PDE1C: variants seen among roughly 807,000 people sequenced by gnomAD.
PDE1C encodes the protein dual specificity calcium/calmodulin-dependent 3',5'-cyclic nucleotide phosphodiesterase 1C.
PDE1C carries 62 observed loss-of-function variants against 93.1 expected under a neutral mutation model. The ratio of observed to expected loss-of-function variants is 0.67; its 90% confidence interval spans 0.54 to 0.82. The LOEUF is 0.82. PDE1C is among the 40% of genes least tolerant of loss of function. The pLI is 0.00. For missense variants in PDE1C, 742 were observed against 884.6 expected (o/e 0.84, Z 2.04); for synonymous variants, 325 against 310.1 (o/e 1.05, Z -0.50).
the PDE1C span, among the ~76,000 whole-genome samples, chr7:31,621,146 G>C: frequency 6.6e-6 from 1 of 150,884 alleles, no homozygotes; most frequent in South Asian, 2.1e-4. Context: ...GTACCTGAAA[G>C]TGATGGGGAG....
rs1796006457 is a variant in PDE1C at position 31,872,023 on chromosome 7, A to G, written c.609+1269T>C. Among the ~76,000 whole-genome samples, 3 of 131,194 alleles carry G rather than the reference A, an allele frequency of 2.3e-5. No individual in the cohort carries two copies. The South Asian group carries it at 8.2e-4, about 36-fold the overall frequency. 86.1% of individuals were successfully genotyped at this position (131,194 alleles called of 152,430 possible). ...GATAAGGAAAACTTGGTATACAACC[A>G]TAATGGAATACTATTCGGCCATAAA... On this transcript the variant is annotated intron_variant, in intron 6 of 17. Transcript: ENST00000396191.
At chr7:32,078,414 A>G (rs1796474017) in intron 3 of PDE1C, among the ~76,000 whole-genome samples, 1 of 152,214 alleles carries the variant, frequency 6.6e-6, no homozygotes, top group African/African-American at 2.4e-5. Context: ...AAAGATGCCC[A>G]CTAAAAAGCA....
intron 1 of PDE1C, among the ~76,000 whole-genome samples, chr7:32,322,342 T>G (rs975881649): frequency 6.6e-6 from 1 of 152,098 alleles, no homozygotes; most frequent in Non-Finnish European, 1.5e-5. Context: ...CCTACATGCC[T>G]CCCAAAACCA....
chr7:32,237,243 C>T lies in PDE1C; in HGVS notation c.86-27704G>A, dbSNP rs151281160. ...CCGGGACTATAGGCGCCTACCACCA[C>T]GCCCGGCTAATTTTTTTGTATTTTT... On this transcript the variant is annotated intron_variant, in intron 1 of 18. Transcript: ENST00000396193. Among the ~76,000 whole-genome samples the T allele has an allele frequency of 4.5e-3, 682 of 151,686 alleles. 6 individuals carry two copies. The highest frequency in any genetic ancestry group is 0.017 in the Admixed American group (259 of 15,214).
rs552274582 is a variant in PDE1C at position 32,022,267 on chromosome 7, G to A, written c.128+29287C>T. ...TCCACTACTAAGGAAATTAACAACA[G>A]AGTAGCAAGAATGTTAAATGGACAT... On this transcript the variant is annotated intron_variant, in intron 2 of 17. Transcript: ENST00000396191. 3.3e-5 allele frequency among the ~76,000 whole-genome samples: 5 copies of A among 152,152 alleles called. No individual in the cohort carries two copies. In the South Asian group the frequency reaches 1.0e-3, roughly 32 times the overall value.
chr7:31,967,446 G>T (rs1466591292), intron 2 of PDE1C, among the ~76,000 whole-genome samples: 3 of 131,510 alleles, frequency 2.3e-5, no homozygotes, highest in Non-Finnish European at 1.6e-5. Flanking sequence ...AATAACAGGA[G>T]CTGAAATTGA....
At chr7:31,711,328 G>A in the PDE1C span, among the ~76,000 whole-genome samples, 1 of 152,166 alleles carries the variant, frequency 6.6e-6, no homozygotes, top group South Asian at 2.1e-4. Context: ...AAGGAAGACT[G>A]TGCTCTGAGC....
At chr7:31,972,888 C>T (rs1422978410) in intron 2 of PDE1C, among the ~76,000 whole-genome samples, 1 of 152,090 alleles carries the variant, frequency 6.6e-6, no homozygotes, top group Non-Finnish European at 1.5e-5. Flanking sequence ...GCATCTTCTG[C>T]CTCCAAATTT....
chr7:31,727,193 A>T, the PDE1C span, among the ~76,000 whole-genome samples: 1 of 152,126 alleles, frequency 6.6e-6, no homozygotes, highest in Non-Finnish European at 1.5e-5. Context: ...CTAACACCTT[A>T]CTGAGACGCC....
rs191372319 is a variant in PDE1C, at chr7:32,139,248, G to T, written c.308+30537C>A. Among the ~76,000 whole-genome samples the T allele has an allele frequency of 3.3e-4, 49 of 146,524 alleles. No individual in the cohort carries two copies. The East Asian group carries it at 9.4e-3, about 28-fold the overall frequency. The stretch of plus-strand genomic sequence containing the variant: ...ACTACTGGGCTCAAGTGATCCTCCC[G>T]CCTCAGCCTCCCAAGTAGCTAGGAC... On this transcript the variant is annotated intron_variant, in intron 3 of 18. Transcript: ENST00000396193.
At chr7:31,670,811 C>T in the PDE1C span, among the ~76,000 whole-genome samples, 2 of 152,072 alleles carry the variant, frequency 1.3e-5, no homozygotes, top group African/African-American at 4.8e-5. Context: ...CACCCATGGC[C>T]CACCTGGTCT....
At chr7:32,257,412 T>C (rs1809886229) in intron 1 of PDE1C, among the ~76,000 whole-genome samples, 1 of 152,216 alleles carries the variant, frequency 6.6e-6, no homozygotes, top group Admixed American at 6.5e-5. Context: ...ACTCCATGAA[T>C]TCAAATCCTG....
intron 1 of PDE1C, among the ~76,000 whole-genome samples, chr7:32,386,659 AC>A (rs761327411): frequency 7.1e-5 from 10 of 140,668 alleles, no homozygotes; most frequent in Non-Finnish European, 1.4e-4. Flanking sequence ...CCCAAAAGGC[AC>A]ACGGGTCTTG....
At chr7:31,772,085 CTTT>C (rs1795527923) in intron 17 of PDE1C, among the ~76,000 whole-genome samples, 2 of 151,210 alleles carry the variant, frequency 1.3e-5, no homozygotes, top group Non-Finnish European at 3.0e-5. Context: ...GTTTTGGGTT[CTTT>C]CTCTCTCTCG....
upstream of PDE1C, chr7:32,070,492 G>C (rs1186211724): frequency 3.2e-6 from 5 of 1,560,056 alleles, no homozygotes; most frequent in Non-Finnish European, 4.3e-6. Flanking sequence ...CAGGCGCGGC[G>C]CGCGTTTGCC....
chr7:31,934,997 C>G (rs947815036), intron 2 of PDE1C, among the ~76,000 whole-genome samples: 1 of 152,148 alleles, frequency 6.6e-6, no homozygotes, highest in Admixed American at 6.5e-5. Flanking sequence ...CATTGTTAAA[C>G]TAATCTCATT....
At chr7:32,261,038 A>G (rs1314116235) in intron 1 of PDE1C, among the ~76,000 whole-genome samples, 2 of 152,034 alleles carry the variant, frequency 1.3e-5, no homozygotes, top group African/African-American at 4.8e-5. Context: ...TGAACCTGGG[A>G]GGTGGAGGTT....
chr7:31,640,594 C>T, the PDE1C span, among the ~76,000 whole-genome samples: 4 of 152,040 alleles, frequency 2.6e-5, no homozygotes, highest in African/African-American at 7.3e-5. Context: ...GTTCCTGTTT[C>T]TCAAGGACTG....
chr7:31,897,159 T>C (rs1172595106), intron 2 of PDE1C, among the ~76,000 whole-genome samples: 4 of 152,226 alleles, frequency 2.6e-5, no homozygotes, highest in African/African-American at 4.8e-5. Context: ...TAGAGGGTTT[T>C]ATTGCATGGG....
Sources: allele counts gnomAD v4.1 joint callset (sites outside exome capture counted in the v4.1 genomes callset), GRCh38; gene constraint gnomAD v4.1.1; transcripts MANE v1.5; gene names NCBI Gene and HGNC (gene_info 2026-07-23, HGNC 2026-07-21).